ULK4: variants seen among roughly 807,000 people sequenced by gnomAD.
The protein encoded by ULK4 is unc-51 like kinase 4.
In ULK4, 133 loss-of-function variants were observed where a neutral mutation model predicts 160.6. The ratio of observed to expected loss-of-function variants is 0.83; its 90% CI spans 0.72 to 0.96. The LOEUF (loss-of-function observed/expected upper bound fraction) is 0.96. Ranked by LOEUF, ULK4 falls within the 40% of genes least tolerant of loss-of-function variation. The probability of loss-of-function intolerance (pLI) is 0.00; values close to 1 mark genes in which losing one functional copy is unlikely to be tolerated. For synonymous variants in ULK4, 534 were observed against 539.8 expected, an observed-to-expected ratio of 0.99 and a Z score of 0.15; for missense variants, 1,580 against 1,499.5, an observed-to-expected ratio of 1.05 and a Z score of -0.89.
intron 12 of ULK4, among the ~76,000 whole-genome samples, chr3:41,901,720 T>G (rs1698372835): frequency 6.6e-6 from 1 of 151,742 alleles, no homozygotes; most frequent in Non-Finnish European, 1.5e-5. Context: ...TCTCAGGTGA[T>G]CCACCCAACT....
At chr3:41,510,736 GGGCTAAC>G (rs2085542651) in intron 32 of ULK4, among the ~76,000 whole-genome samples, 1 of 152,086 alleles carries the variant, frequency 6.6e-6, no homozygotes, top group South Asian at 2.1e-4. Flanking sequence ...AATGATCATT[GGGCTAAC>G]AATGAAATCA....
intron 5 of ULK4, among the ~76,000 whole-genome samples, chr3:41,926,891 T>C (rs924229332): frequency 6.6e-6 from 1 of 152,100 alleles, no homozygotes; most frequent in African/African-American, 2.4e-5. Context: ...CTGAAAGTGA[T>C]GGAGAGAATG....
intron 17 of ULK4, chr3:41,882,004 G>C (rs1697538856): frequency 1.9e-6 from 1 of 528,854 alleles, no homozygotes; most frequent in East Asian, 3.1e-5. Flanking sequence ...AGCAGCAACA[G>C]CAAGTACCAG....
chr3:41,365,716 C>T (rs540782133), intron 35 of ULK4, among the ~76,000 whole-genome samples: 37 of 152,214 alleles, frequency 2.4e-4, no homozygotes, highest in African/African-American at 8.9e-4. Flanking sequence ...TGCCTAACCC[C>T]CAAGCCCCTG....
At chr3:41,300,187 T>C (rs2079755302) in intron 35 of ULK4, among the ~76,000 whole-genome samples, 1 of 152,158 alleles carries the variant, frequency 6.6e-6, no homozygotes, top group Admixed American at 6.6e-5. Flanking sequence ...ATGGATAAAA[T>C]CCTGGAGGAA....
intron 32 of ULK4, among the ~76,000 whole-genome samples, chr3:41,532,831 G>A (rs2086366903): frequency 6.6e-6 from 1 of 152,172 alleles, no homozygotes; most frequent in African/African-American, 2.4e-5. Flanking sequence ...GTCATGTAGA[G>A]TTCCGATTCC....
intron 31 of ULK4, among the ~76,000 whole-genome samples, chr3:41,571,314 G>A (rs886920804): frequency 6.6e-6 from 1 of 152,190 alleles, no homozygotes; most frequent in African/African-American, 2.4e-5. Context: ...CTGGCCTAGA[G>A]CATCATTTCC....
intron 19 of ULK4, among the ~76,000 whole-genome samples, chr3:41,802,672 T>C (rs2040496913): frequency 6.6e-6 from 1 of 152,166 alleles, no homozygotes. Context: ...ATAAAATGTA[T>C]GACAATAGTA....
intron 31 of ULK4, among the ~76,000 whole-genome samples, 170 bp from the exon 32 acceptor site, chr3:41,566,300 T>G (rs571141942): frequency 6.6e-6 from 1 of 152,274 alleles, no homozygotes; most frequent in East Asian, 1.9e-4. Flanking sequence ...ATCCCATCAG[T>G]GAGTTAAGTG....
chr3:41,461,612 C>A (rs1235980391), intron 33 of ULK4, among the ~76,000 whole-genome samples: 1 of 152,150 alleles, frequency 6.6e-6, no homozygotes, highest in Non-Finnish European at 1.5e-5. Flanking sequence ...AAACAGTGAT[C>A]TACTGGGAAA....
intron 14 of ULK4, 51 bp downstream of exon 14, chr3:41,898,381 G>T: frequency 9.2e-7 from 1 of 1,084,732 alleles, no homozygotes; most frequent in Non-Finnish European, 1.3e-6. Context: ...TTTCATATTT[G>T]TATCTGTATA....
chr3:41,445,100 T>G (rs1337559219), intron 34 of ULK4, among the ~76,000 whole-genome samples: 2 of 152,084 alleles, frequency 1.3e-5, no homozygotes, highest in Non-Finnish European at 2.9e-5. Context: ...GAGAGCCAAA[T>G]CAGGAGTGAA....
At chr3:41,911,437 G>A (rs368647613) in intron 10 of ULK4, 51 bp from the exon 11 acceptor site, 4 of 1,599,594 alleles carry the variant, frequency 2.5e-6, no homozygotes, top group Non-Finnish European at 3.4e-6. Flanking sequence ...AATATCATAT[G>A]CAAGGCATAA....
intron 22 of ULK4, among the ~76,000 whole-genome samples, chr3:41,738,644 A>T (rs188290707): frequency 1.1e-4 from 17 of 152,036 alleles, no homozygotes; most frequent in Non-Finnish European, 2.5e-4. Context: ...CACTTCAGTC[A>T]GTTTTCTGCA....
intron 18 of ULK4, among the ~76,000 whole-genome samples, chr3:41,832,132 G>A (rs112820157): frequency 0.059 from 8,871 of 151,566 alleles, 813 homozygotes; most frequent in African/African-American, 0.2. Flanking sequence ...CCTCCACAAC[G>A]GTTGAACCAA....
intron 3 of ULK4, chr3:41,937,071 T>C (rs528154121): frequency 4.8e-6 from 2 of 417,210 alleles, no homozygotes; most frequent in South Asian, 1.1e-4. Context: ...TAAATATTAA[T>C]ACAACAGCCA....
intron 35 of ULK4, among the ~76,000 whole-genome samples, chr3:41,351,827 T>C (rs1165710192): frequency 6.6e-6 from 1 of 152,190 alleles, no homozygotes; most frequent in African/African-American, 2.4e-5. Context: ...GGTCATCCCA[T>C]CCACAGGGTG....
At chr3:41,659,783 T>C (rs2035080166) in intron 30 of ULK4, among the ~76,000 whole-genome samples, 1 of 152,118 alleles carries the variant, frequency 6.6e-6, no homozygotes, top group Non-Finnish European at 1.5e-5. Flanking sequence ...TATGAGAGTA[T>C]TCATTATTTG....
In ULK4 at chr3:41,534,124, T is replaced by C. The variant is rs1202974877; in HGVS notation, c.3226+31901A>G. On this transcript the variant is annotated intron_variant, in intron 32 of 36. Transcript: ENST00000301831. ...CTCGGCCGAAAGTACACTTTCTTTA[T>C]TCTTAGAGCCCAAACAATCCTTATA... 2.6e-5 allele frequency among the ~76,000 whole-genome samples: 4 copies of C among 152,364 alleles called. No individual in the cohort carries two copies. The East Asian group carries it at 5.8e-4, about 22-fold the overall frequency.
Sources: gnomAD v4.1 joint callset for allele counts (sites outside exome capture counted in the v4.1 genomes callset) on GRCh38, gnomAD v4.1.1 for gene constraint, MANE v1.5 for transcripts, NCBI Gene and HGNC (gene_info 2026-07-23, HGNC 2026-07-21) for gene names.